Variants in MYO5B observed in about 807,000 individuals in gnomAD.
The protein encoded by MYO5B is unconventional myosin-Vb.
A neutral mutation model predicts 229.3 loss-of-function variants in MYO5B; 143 were observed. That is an observed-to-expected ratio of 0.62 (90% confidence interval 0.54 to 0.72). The LOEUF is 0.72. Among genes scored for constraint, MYO5B ranks in the 30% least tolerant of loss-of-function variants. MYO5B has a pLI of 0.00. For missense variants in MYO5B, 2,321 were observed against 2,331.0 expected (o/e 1.00, Z 0.09); for synonymous variants, 918 against 885.2 (o/e 1.04, Z -0.66).
In MYO5B at chr18:49,927,980, GCAATCTATACAT is replaced by G. The variant is rs1317459888; in HGVS notation, c.2090+1520_2090+1531del. On this transcript the variant is annotated intron_variant, in intron 17 of 39. Coordinates refer to ENST00000285039, the MANE Select transcript of MYO5B (RefSeq NM_001080467.3). ...ACCCACGGAGTGGGAGAAAATCTTT[GCAATCTATACAT>G]CCAACAAAGGACTAATGTCCAGAAT... Among the ~76,000 whole-genome samples the G allele has an allele frequency of 6.2e-4, 94 of 152,288 alleles. 1 individual carries two copies. The highest frequency in any genetic ancestry group is 1.8e-4 in the Non-Finnish European group (12 of 68,026).
Position 49,984,839 on chromosome 18 carries a change from G to C in MYO5B, c.839-14C>G, listed in dbSNP as rs772389282. On this transcript the variant is annotated splice_polypyrimidine_tract_variant and intron_variant, in intron 7 of 39. Coordinates refer to ENST00000285039, the MANE Select transcript of MYO5B (RefSeq NM_001080467.3). Reference sequence around the variant, plus strand: ...CCTCTGCACTTGCTGTGGGAGGCGAGGAAATAAGGCATGAGGCACTGGAGG... The same window carrying C: ...CCTCTGCACTTGCTGTGGGAGGCGACGAAATAAGGCATGAGGCACTGGAGG... The C allele has an allele frequency of 2.6e-5, 40 of 1,550,608 alleles. No homozygotes were observed. The highest frequency in any genetic ancestry group is 8.2e-5 in the African/African-American group (6 of 73,356).
rs80013663 is a variant in MYO5B at position 50,134,756 on chromosome 18, C to T, written c.27+60011G>A. ...GAAACGGTGCCCTGGGGATTGCTCA[C>T]GAGGCACTTCATATATTCTCTTCAT... On this transcript the variant is annotated intron_variant, in intron 1 of 39. Coordinates refer to ENST00000285039, the MANE Select transcript of MYO5B (RefSeq NM_001080467.3). 4.6e-5 allele frequency among the ~76,000 whole-genome samples: 7 copies of T among 152,092 alleles called. No individual in the cohort carries two copies. In the South Asian group the frequency reaches 1.5e-3, roughly 32 times the overall value.
Position 49,934,861 on chromosome 18 carries a change from T to C in MYO5B, c.2003+1391A>G, listed in dbSNP as rs559084242. Among the ~76,000 whole-genome samples, 4 of 152,326 alleles carry C rather than the reference T, an allele frequency of 2.6e-5. No homozygotes were observed. In the East Asian group the frequency reaches 5.8e-4, roughly 22 times the overall value. The stretch of plus-strand genomic sequence containing the variant: ...ACCAGAGTGTAGAAGGCAGTTCAGA[T>C]ATTCAGTCTGAGAGTCAAAATTGTC... On this transcript the variant is annotated intron_variant, in intron 16 of 39. Coordinates refer to ENST00000285039, the MANE Select transcript of MYO5B (RefSeq NM_001080467.3).
intron 1 of MYO5B, among the ~76,000 whole-genome samples, chr18:50,181,462 G>A (rs374846860): frequency 2.6e-5 from 4 of 152,346 alleles, no homozygotes; most frequent in South Asian, 4.1e-4. Context: ...AAGATAGTCA[G>A]TGAGTCCTCA....
At chr18:49,889,536 G>C (rs2024684304) in intron 22 of MYO5B, among the ~76,000 whole-genome samples, 1 of 152,204 alleles carries the variant, frequency 6.6e-6, no homozygotes, top group Non-Finnish European at 1.5e-5. Context: ...ACTACTGGTA[G>C]GTTTTACAGC....
intron 1 of MYO5B, among the ~76,000 whole-genome samples, chr18:50,061,578 T>C (rs77758274): frequency 0.012 from 1,902 of 152,266 alleles, 33 homozygotes; most frequent in African/African-American, 0.044. Flanking sequence ...CCTGAGAGAA[T>C]TGATTCTCAG....
At position 49,954,724 on chromosome 18, in the gene MYO5B, G is replaced by C. The variant is rs189781771; in HGVS notation, c.1546-289C>G. On this transcript the variant is annotated intron_variant, in intron 12 of 39. Coordinates refer to ENST00000285039, the MANE Select transcript of MYO5B (RefSeq NM_001080467.3). ...TAGGGAGGATGAGGGTGAAAGCCAAGGTCACAGGAGCAGAGTCACAGCCTG... is the reference window on the plus strand; with the variant it reads ...TAGGGAGGATGAGGGTGAAAGCCAACGTCACAGGAGCAGAGTCACAGCCTG... Among the ~76,000 whole-genome samples the C allele has an allele frequency of 5.4e-4, 82 of 152,296 alleles. 1 individual carries two copies. Among genetic ancestry groups the C allele is most frequent in the African/African-American group, 1.9e-3 (80 of 41,554 alleles).
intron 22 of MYO5B, among the ~76,000 whole-genome samples, chr18:49,890,563 T>C (rs1419270436): frequency 6.6e-6 from 1 of 152,236 alleles, no homozygotes; most frequent in African/African-American, 2.4e-5. Flanking sequence ...TTTACTAGTT[T>C]GTCTTTGGGG....
intron 1 of MYO5B, among the ~76,000 whole-genome samples, chr18:50,073,502 C>T (rs2031007362): frequency 6.6e-6 from 1 of 152,162 alleles, no homozygotes; most frequent in South Asian, 2.1e-4. Context: ...TGGGTAGCTC[C>T]CTGGCTCCCC....
chr18:50,023,663 T>C (rs1055047040), intron 4 of MYO5B, among the ~76,000 whole-genome samples: 1 of 152,316 alleles, frequency 6.6e-6, no homozygotes, highest in South Asian at 2.1e-4. Context: ...AGGAAGAGTT[T>C]AGCTTAGAGA....
intron 22 of MYO5B, among the ~76,000 whole-genome samples, chr18:49,881,268 A>G (rs2024582722): frequency 6.6e-6 from 1 of 152,148 alleles, no homozygotes; most frequent in South Asian, 2.1e-4. Flanking sequence ...AAAATCTCAC[A>G]ATGAACAAAT....
chr18:49,841,150 G>A (rs1301611483), intron 35 of MYO5B, among the ~76,000 whole-genome samples: 1 of 152,076 alleles, frequency 6.6e-6, no homozygotes, highest in East Asian at 1.9e-4. Context: ...TGCTTTTTGG[G>A]GCCCCTTGGG....
At chr18:49,898,417 A>G (rs73438456) in intron 21 of MYO5B, among the ~76,000 whole-genome samples, 2,796 of 152,306 alleles carry the variant, frequency 0.018, 86 homozygotes, top group African/African-American at 0.064. Flanking sequence ...CTCTCATTAT[A>G]AATAAATTGT....
intron 12 of MYO5B, among the ~76,000 whole-genome samples, chr18:49,955,038 T>C (rs1275244557): frequency 1.3e-5 from 2 of 152,204 alleles, no homozygotes; most frequent in Non-Finnish European, 2.9e-5. Context: ...GTTTCATCAC[T>C]ACAAACTGTA....
rs2031392907 is a variant in MYO5B, at chr18:50,089,134, C to T, written c.28-33756G>A. Among the ~76,000 whole-genome samples, 5 of 152,284 alleles carry T rather than the reference C, an allele frequency of 3.3e-5. No individual in the cohort carries two copies. The South Asian group carries it at 1.0e-3, about 32-fold the overall frequency. ...GTGGCTCACACCTGTAAGCCCAGCACTTTGGGAGACCAAGGTGGACAGATC... is the reference window on the plus strand; with the variant it reads ...GTGGCTCACACCTGTAAGCCCAGCATTTTGGGAGACCAAGGTGGACAGATC... On this transcript the variant is annotated intron_variant, in intron 1 of 39. Coordinates refer to ENST00000285039, the MANE Select transcript of MYO5B (RefSeq NM_001080467.3).
At chr18:49,845,725 ACT>A (rs1012233863) in intron 33 of MYO5B, among the ~76,000 whole-genome samples, 2 of 151,792 alleles carry the variant, frequency 1.3e-5, no homozygotes, top group African/African-American at 2.4e-5. Flanking sequence ...CTCCTCTAAG[ACT>A]CTTCCTGGCT....
intron 17 of MYO5B, among the ~76,000 whole-genome samples, chr18:49,914,028 C>T (rs992288436): frequency 6.6e-6 from 1 of 152,126 alleles, no homozygotes; most frequent in Non-Finnish European, 1.5e-5. Flanking sequence ...TCAATAACCA[C>T]CCCCCAGCAA....
Position 50,001,405 on chromosome 18 carries a change from C to T in MYO5B, c.462G>A (p.Glu154=). The change falls in exon 5 of 40, where the codon GAG becomes GAA. Residue 154 remains glutamate (E), a synonymous_variant. Transcript: ENST00000285039. The part of the protein sequence containing the change: ...EEAYKQMARD[E]KNQSIIVSGE... ...CACTGACTATGATGGACTGATTCTT[C>T]TCATCTCTGGAAGGAAAAAAGCTCT... The T allele has an allele frequency of 1.1e-5, 18 of 1,614,176 alleles. No individual in the cohort carries two copies. The highest frequency in any genetic ancestry group is 1.5e-5 in the Non-Finnish European group (18 of 1,179,998).
At position 49,984,794 on chromosome 18, in the gene MYO5B, C is replaced by T. The variant is rs777771721; in HGVS notation, c.870G>A (p.Gln290=). The T allele has an allele frequency of 6.2e-7, 1 of 1,613,786 alleles. No homozygotes were observed. The highest frequency in any genetic ancestry group is 8.5e-7 in the Non-Finnish European group (1 of 1,179,666). The change falls in exon 8 of 40, where the codon CAG becomes CAA. Residue 290 remains glutamine (Q), a synonymous_variant. Coordinates refer to ENST00000285039, the MANE Select transcript of MYO5B (RefSeq NM_001080467.3). Reference sequence around the variant, plus strand: ...CACCCTCGATGGAAGTGTCTCCTCCCTGTGATGTATAGAAAAAGTCCTCTG... The same window carrying T: ...CACCCTCGATGGAAGTGTCTCCTCCTTGTGATGTATAGAAAAAGTCCTCTG... ...TSAEDFFYTS[Q]GGDTSIEGVD... is the part of the protein sequence containing the mutation.
Sources: allele counts gnomAD v4.1 joint callset (sites outside exome capture counted in the v4.1 genomes callset), GRCh38; gene constraint gnomAD v4.1.1; transcripts MANE v1.5; gene names NCBI Gene and HGNC (gene_info 2026-07-23, HGNC 2026-07-21).